Variants in AGBL4 observed in about 807,000 individuals in gnomAD.
AGBL4 encodes AGBL carboxypeptidase 4.
Under a neutral mutation model 66.4 loss-of-function variants are expected in AGBL4, and 58 were observed. The observed-to-expected ratio is 0.87, with a 90% CI of 0.71 to 1.09. AGBL4 has a LOEUF of 1.09. AGBL4 is among the 50% of genes least tolerant of loss of function. The pLI is 0.00. For missense variants in AGBL4, 579 were observed against 631.0 expected, an observed-to-expected ratio of 0.92 and a Z score of 0.88; for synonymous variants, 234 against 222.9, an observed-to-expected ratio of 1.05 and a Z score of -0.44.
At chr1:49,046,260 T>C (rs1644078149) in intron 4 of AGBL4, among the ~76,000 whole-genome samples, 1 of 152,180 alleles carries the variant, frequency 6.6e-6, no homozygotes, top group South Asian at 2.1e-4. Context: ...TGTGATGCTA[T>C]AGAGATATAA....
rs13374931 is a variant in AGBL4 at position 48,776,417 on chromosome 1, C to T, written c.634+90774G>A. 4.5e-3 allele frequency among the ~76,000 whole-genome samples: 685 copies of T among 152,302 alleles called. 3 individuals carry two copies. The highest frequency in any genetic ancestry group is 0.016 in the African/African-American group (647 of 41,576). ...AGCGGGGAAGACAAAGGGGACCATC[C>T]GGTCTTTTTAACTGGCCTGGCCTCT... On this transcript the variant is annotated intron_variant, in intron 6 of 13. Coordinates refer to ENST00000371839, the MANE Select transcript of AGBL4 (RefSeq NM_032785.4).
intron 6 of AGBL4, among the ~76,000 whole-genome samples, chr1:48,755,008 A>G (rs80191844): frequency 4.6e-5 from 7 of 152,196 alleles, no homozygotes; most frequent in East Asian, 3.9e-4. Flanking sequence ...CCATGCCTCC[A>G]TGTTGGAATA....
At chr1:49,303,849 A>C (rs1644800868) in intron 3 of AGBL4, among the ~76,000 whole-genome samples, 1 of 151,772 alleles carries the variant, frequency 6.6e-6, no homozygotes. Context: ...TTTTCTCGTA[A>C]ATTTAAGTTC....
At chr1:49,434,744 C>G (rs1386216266) in intron 3 of AGBL4, among the ~76,000 whole-genome samples, 1 of 150,062 alleles carries the variant, frequency 6.7e-6, no homozygotes. Context: ...GTGTGTGTGA[C>G]TATATGGTAG....
At chr1:49,483,117 T>C (rs1401894514) in intron 3 of AGBL4, among the ~76,000 whole-genome samples, 1 of 152,104 alleles carries the variant, frequency 6.6e-6, no homozygotes, top group Non-Finnish European at 1.5e-5. Flanking sequence ...GAGAGTTCCG[T>C]AGATATCTGA....
At chr1:49,430,938 A>T (rs1219392665) in intron 3 of AGBL4, among the ~76,000 whole-genome samples, 1 of 152,214 alleles carries the variant, frequency 6.6e-6, no homozygotes, top group Non-Finnish European at 1.5e-5. Flanking sequence ...TGTTTGTGAA[A>T]TGTATCTATA....
chr1:48,962,376 CT>C (rs1658073705), intron 5 of AGBL4, among the ~76,000 whole-genome samples: 1 of 152,186 alleles, frequency 6.6e-6, no homozygotes, highest in Non-Finnish European at 1.5e-5. Context: ...CATTTTCCTA[CT>C]CCTTTTCTTA....
At chr1:49,974,070 T>A (rs1451025140) in intron 1 of AGBL4, among the ~76,000 whole-genome samples, 1 of 152,102 alleles carries the variant, frequency 6.6e-6, no homozygotes, top group Non-Finnish European at 1.5e-5. Flanking sequence ...CCATCTTAAG[T>A]GGACTCTTTA....
intron 4 of AGBL4, among the ~76,000 whole-genome samples, chr1:49,124,340 G>T (rs971367873): frequency 2.6e-5 from 4 of 152,162 alleles, no homozygotes; most frequent in African/African-American, 9.7e-5. Context: ...ATAGAAGATA[G>T]AACAATTTTT....
At chr1:48,893,915 A>G (rs1244282448) in intron 5 of AGBL4, among the ~76,000 whole-genome samples, 1 of 152,160 alleles carries the variant, frequency 6.6e-6, no homozygotes, top group East Asian at 1.9e-4. Context: ...GTACTTTGTT[A>G]TGGCAGCCTG....
At chr1:48,869,697 A>G (rs1018192016) in intron 5 of AGBL4, among the ~76,000 whole-genome samples, 1 of 152,136 alleles carries the variant, frequency 6.6e-6, no homozygotes, top group Non-Finnish European at 1.5e-5. Context: ...GCCAAACGCA[A>G]CCAGGTAGTG....
intron 11 of AGBL4, among the ~76,000 whole-genome samples, chr1:48,555,177 G>A (rs1358753909): frequency 8.3e-6 from 1 of 120,056 alleles, no homozygotes; most frequent in Non-Finnish European, 1.9e-5. Context: ...TGAATTGAGG[G>A]GGTAAGATTG....
At chr1:49,548,786 T>C (rs1420858314) in intron 3 of AGBL4, among the ~76,000 whole-genome samples, 2 of 152,184 alleles carry the variant, frequency 1.3e-5, no homozygotes, top group Non-Finnish European at 2.9e-5. Context: ...TGATGCTGGC[T>C]TCATAGAATG....
At position 48,809,772 on chromosome 1, in the gene AGBL4, C is replaced by T. The variant is rs147217804; in HGVS notation, c.634+57419G>A. 2.7e-4 allele frequency among the ~76,000 whole-genome samples: 41 copies of T among 152,290 alleles called. No homozygotes were observed. In the East Asian group the frequency reaches 4.2e-3, roughly 16 times the overall value. On this transcript the variant is annotated intron_variant, in intron 6 of 13. Coordinates refer to ENST00000371839, the MANE Select transcript of AGBL4 (RefSeq NM_032785.4). Reference sequence around the variant, plus strand: ...AGGGGTCTGAGGTAATTTCCAAAGACGGGTATCCCTATGCTTCTTTTGTGT... The same window carrying T: ...AGGGGTCTGAGGTAATTTCCAAAGATGGGTATCCCTATGCTTCTTTTGTGT...
intron 1 of AGBL4, among the ~76,000 whole-genome samples, chr1:50,022,562 G>T (rs1572074417): frequency 6.6e-6 from 1 of 151,668 alleles, no homozygotes; most frequent in Admixed American, 6.6e-5. Flanking sequence ...ATTTCTGAGG[G>T]TGTCATAGTT....
At chr1:49,295,000 T>C (rs1644612418) in intron 3 of AGBL4, among the ~76,000 whole-genome samples, 1 of 152,218 alleles carries the variant, frequency 6.6e-6, no homozygotes, top group Admixed American at 6.5e-5. Flanking sequence ...TTGTAATGAT[T>C]GCTAAATAAA....
intron 5 of AGBL4, among the ~76,000 whole-genome samples, chr1:48,997,310 G>C (rs997376781): frequency 1.3e-5 from 2 of 152,294 alleles, no homozygotes; most frequent in Admixed American, 6.5e-5. Flanking sequence ...GTTGGACTTA[G>C]AGAGGAATAA....
chr1:48,670,149 A>G (rs1040034292), intron 6 of AGBL4, among the ~76,000 whole-genome samples: 3 of 152,182 alleles, frequency 2.0e-5, no homozygotes, highest in African/African-American at 7.2e-5. Flanking sequence ...GTACCTCCCT[A>G]TCTTCACAAA....
chr1:49,656,086 G>A (rs1213591257), intron 3 of AGBL4, among the ~76,000 whole-genome samples: 1 of 151,846 alleles, frequency 6.6e-6, no homozygotes, highest in Non-Finnish European at 1.5e-5. Context: ...GGCGGAGGTT[G>A]CAGTGAGCCA....
Sources: allele counts gnomAD v4.1 joint callset (sites outside exome capture counted in the v4.1 genomes callset), GRCh38; gene constraint gnomAD v4.1.1; transcripts MANE v1.5; gene names NCBI Gene and HGNC (gene_info 2026-07-23, HGNC 2026-07-21).